ATP9B: variants seen among roughly 807,000 people sequenced by gnomAD.
ATP9B encodes the protein ATPase phospholipid transporting 9B.
Under a neutral mutation model 146.1 loss-of-function variants are expected in ATP9B, and 110 were observed. The ratio of observed to expected loss-of-function variants is 0.75; its 90% CI spans 0.65 to 0.88. ATP9B has a LOEUF of 0.88. ATP9B is among the 40% of genes least tolerant of loss of function. ATP9B has a pLI of 0.00. For synonymous variants in ATP9B, 604 were observed against 569.7 expected (o/e 1.06, Z -0.86); for missense variants, 1,499 against 1,496.4 (o/e 1.00, Z -0.03).
chr18:79,329,903 C>T, intron 16 of ATP9B, 109 bp from the exon 17 acceptor site: 2 of 965,202 alleles, frequency 2.1e-6, no homozygotes, highest in South Asian at 2.9e-5. Context: ...CACACAGGAA[C>T]ACATTCATAG....
chr18:79,287,077 C>G (rs906695423), intron 13 of ATP9B, among the ~76,000 whole-genome samples: 5 of 152,164 alleles, frequency 3.3e-5, no homozygotes, highest in African/African-American at 1.2e-4. Flanking sequence ...GTCTAAAATT[C>G]TCTTTTTTGG....
chr18:79,271,926 C>T (rs2096259374), intron 12 of ATP9B, among the ~76,000 whole-genome samples: 1 of 152,166 alleles, frequency 6.6e-6, no homozygotes, highest in African/African-American at 2.4e-5. Context: ...CTAATGATTG[C>T]CATTCTAACT....
chr18:79,255,471 T>G (rs2096068558), intron 12 of ATP9B, among the ~76,000 whole-genome samples: 1 of 152,226 alleles, frequency 6.6e-6, no homozygotes, highest in Non-Finnish European at 1.5e-5. Flanking sequence ...TCCATACACA[T>G]GAATGAGCCC....
At chr18:79,234,617 G>A (rs968973610) in intron 11 of ATP9B, among the ~76,000 whole-genome samples, 7 of 151,298 alleles carry the variant, frequency 4.6e-5, no homozygotes, top group Admixed American at 2.0e-4. Context: ...CTTGCTGTGG[G>A]CCTGCTTGCT....
Position 79,287,100 on chromosome 18 carries a change from C to T in ATP9B, c.1411+9904C>T, listed in dbSNP as rs541898632. On this transcript the variant is annotated intron_variant, in intron 13 of 29. Transcript: ENST00000426216. Reference sequence around the variant, plus strand: ...TTCTCTTTTTTGGTTGTGTCTCTGCCGGGCTTTGGTATCAGGATGATGCTG... The same window carrying T: ...TTCTCTTTTTTGGTTGTGTCTCTGCTGGGCTTTGGTATCAGGATGATGCTG... Among the ~76,000 whole-genome samples, 14 of 152,270 alleles carry T rather than the reference C, an allele frequency of 9.2e-5. No homozygotes were observed. The South Asian group carries it at 1.0e-3, about 11-fold the overall frequency.
intron 1 of ATP9B, among the ~76,000 whole-genome samples, chr18:79,089,974 T>A (rs2074180024): frequency 6.6e-6 from 1 of 152,210 alleles, no homozygotes; most frequent in African/African-American, 2.4e-5. Context: ...TCTGTCTCCA[T>A]AAGTCCAACT....
Position 79,337,440 on chromosome 18 carries a change from C to A in ATP9B, c.2274C>A (p.Ala758=). The change falls in exon 19 of 30, where the codon GCC becomes GCA. Residue 758 remains alanine (A), a synonymous_variant. Transcript: ENST00000426216. ...VRPTLEMLRN[A]GIKIWMLTGD... is the part of the protein sequence containing the mutation. ...CCACGCTGGAGATGCTGCGCAACGC[C>A]GGGATCAAGGTACTGCAGGCTCACC... The A allele has an allele frequency of 6.2e-7, 1 of 1,610,750 alleles. No individual in the cohort carries two copies. Among genetic ancestry groups the A allele is most frequent in the Non-Finnish European group, 8.5e-7 (1 of 1,179,766 alleles).
chr18:79,214,546 ATTG>A (rs2095610246), intron 11 of ATP9B, among the ~76,000 whole-genome samples: 1 of 152,212 alleles, frequency 6.6e-6, no homozygotes, highest in Admixed American at 6.5e-5. Context: ...TATTTCTAAA[ATTG>A]TTATTTATGC....
chr18:79,211,199 A>G (rs1178094303), intron 10 of ATP9B, among the ~76,000 whole-genome samples: 2 of 152,208 alleles, frequency 1.3e-5, no homozygotes, highest in African/African-American at 4.8e-5. Flanking sequence ...AAAGGAGAGT[A>G]TATTTTTCTA....
At chr18:79,310,502 T>C (rs1199813576) in intron 15 of ATP9B, among the ~76,000 whole-genome samples, 1 of 152,232 alleles carries the variant, frequency 6.6e-6, no homozygotes, top group Non-Finnish European at 1.5e-5. Context: ...TAAAATTGCC[T>C]GAAAGCAGGA....
chr18:79,234,655 GTGTGGGTGTGCTCCTGTGGGTGTGCTGC>G (rs1483353805), intron 11 of ATP9B, among the ~76,000 whole-genome samples: 5 of 147,460 alleles, frequency 3.4e-5, no homozygotes, highest in African/African-American at 1.2e-4. Context: ...GGCGTGCTTC[GTGTGGGTGTGCTCCTGTGGGTGTGCTGC>G]TGTGGGTGTG....
chr18:79,370,440 A>C (rs1379888556), intron 26 of ATP9B, among the ~76,000 whole-genome samples: 1 of 152,204 alleles, frequency 6.6e-6, no homozygotes, highest in Non-Finnish European at 1.5e-5. Flanking sequence ...AGAGTGACAG[A>C]CATCTTCATC....
At chr18:79,101,168 G>T (rs2075254602) in intron 2 of ATP9B, among the ~76,000 whole-genome samples, 1 of 152,008 alleles carries the variant, frequency 6.6e-6, no homozygotes, top group Non-Finnish European at 1.5e-5. Flanking sequence ...CTGCAGCCAA[G>T]ATGCAGAACC....
chr18:79,305,366 A>G (rs892671843), intron 14 of ATP9B, among the ~76,000 whole-genome samples: 9 of 152,232 alleles, frequency 5.9e-5, no homozygotes, highest in Admixed American at 2.0e-4. Flanking sequence ...AAATGGAAGA[A>G]GTCTCATATG....
At position 79,319,750 on chromosome 18, in the gene ATP9B, G is replaced by A. The variant is rs534384375; in HGVS notation, c.1774-9391G>A. Among the ~76,000 whole-genome samples, 14 of 152,328 alleles carry A rather than the reference G, an allele frequency of 9.2e-5. No homozygotes were observed. The South Asian group carries it at 1.4e-3, about 16-fold the overall frequency. On this transcript the variant is annotated intron_variant, in intron 15 of 29. Transcript: ENST00000426216. ...CTAGTTCCTCGGGATTAAACTGATT[G>A]TAGAGGTGATGCATGTATGTGATTC...
chr18:79,200,412 T>A (rs1346690219), intron 9 of ATP9B, among the ~76,000 whole-genome samples: 2 of 152,050 alleles, frequency 1.3e-5, no homozygotes, highest in Admixed American at 6.6e-5. Context: ...AGGGAGAAAA[T>A]CAGTAAGGAT....
At position 79,110,339 on chromosome 18, in the gene ATP9B, CTT is replaced by C. The variant is rs766884124; in HGVS notation, c.294-13_294-12del. 1.8e-5 allele frequency: 28 copies of C among 1,553,474 alleles called. No homozygotes were observed. Among genetic ancestry groups the C allele is most frequent in the Non-Finnish European group, 2.4e-5 (28 of 1,152,862 alleles). On this transcript the variant is annotated splice_polypyrimidine_tract_variant and intron_variant, in intron 2 of 29. Coordinates refer to ENST00000426216, the MANE Select transcript of ATP9B (RefSeq NM_198531.5). ...GCAAAAAAAAATACACAATACGTATCTTTTGTTTCATACAGTTGCTGTGGTTG... is the reference window on the plus strand; with the variant it reads ...GCAAAAAAAAATACACAATACGTATCTTGTTTCATACAGTTGCTGTGGTTG...
chr18:79,334,638 G>T (rs2096811204), intron 17 of ATP9B, among the ~76,000 whole-genome samples: 1 of 152,034 alleles, frequency 6.6e-6, no homozygotes, highest in Non-Finnish European at 1.5e-5. Context: ...CGGGAGCCCA[G>T]CACCCTCCAC....
At chr18:79,330,219 A>G (rs112066680) in intron 17 of ATP9B, 115 bp downstream of exon 17, 13,696 of 952,240 alleles carry the variant, frequency 0.014, 214 homozygotes, top group African/African-American at 0.041. Flanking sequence ...ATGACAGGAA[A>G]AGGATATCCT....
Sources: allele counts gnomAD v4.1 joint callset (sites outside exome capture counted in the v4.1 genomes callset), GRCh38; gene constraint gnomAD v4.1.1; transcripts MANE v1.5; gene names NCBI Gene and HGNC (gene_info 2026-07-23, HGNC 2026-07-21).